TMEM39A: variants seen among roughly 807,000 people sequenced by gnomAD.
TMEM39A encodes suppressor of SQST-1 aggregates in rpl-43 mutants.
Under a neutral mutation model 51.9 loss-of-function variants are expected in TMEM39A, and 19 were observed. The observed-to-expected ratio is 0.37, with a 90% CI of 0.26 to 0.54. The LOEUF is 0.54. TMEM39A is among the 20% of genes least tolerant of loss of function. TMEM39A has a pLI of 0.88. For missense variants in TMEM39A, 433 were observed against 590.5 expected (o/e 0.73, Z 2.76); for synonymous variants, 197 against 220.2 (o/e 0.89, Z 0.93).
intron 5 of TMEM39A, among the ~76,000 whole-genome samples, chr3:119,445,844 G>A (rs1030800863): frequency 6.6e-6 from 1 of 152,160 alleles, no homozygotes; most frequent in Non-Finnish European, 1.5e-5. Context: ...CAACCTTGTT[G>A]AATGTTTAAA....
chr3:119,445,136 G>A (rs1287700653), intron 5 of TMEM39A, among the ~76,000 whole-genome samples: 1 of 152,044 alleles, frequency 6.6e-6, no homozygotes, highest in Non-Finnish European at 1.5e-5. Flanking sequence ...AAAGTGGCAT[G>A]ACAGAATCTT....
At chr3:119,451,224 A>G in intron 4 of TMEM39A, 1 of 1,274,022 alleles carries the variant, frequency 7.8e-7, no homozygotes, top group Non-Finnish European at 1.0e-6. Context: ...CTTTTTGGTT[A>G]ACTTCAAATG....
intron 5 of TMEM39A, among the ~76,000 whole-genome samples, chr3:119,442,158 T>C (rs566598927): frequency 6.6e-6 from 1 of 152,084 alleles, no homozygotes; most frequent in East Asian, 1.9e-4. Context: ...ATGGCCAACA[T>C]AGCGAAACCC....
Position 119,463,333 on chromosome 3 carries a change from C to T in TMEM39A, c.-75+3G>A, listed in dbSNP as rs2081364639. 2 of 362,180 alleles carry T rather than the reference C, an allele frequency of 5.5e-6. No homozygotes were observed. The highest frequency in any genetic ancestry group is 9.8e-6 in the Non-Finnish European group (2 of 204,014). The allele number at this position is 362,180 out of a possible 1,614,324, so 22.4% of individuals were successfully genotyped here. On this transcript the variant is annotated splice_donor_region_variant and intron_variant, in intron 1 of 8. Transcript: ENST00000319172. ...GACCTTGGGGCAGCTCAGTAATACT[C>T]ACGCATGGAAGAGTCCCAGCCGGTG...
At chr3:119,452,365 G>A in intron 4 of TMEM39A, 82 bp downstream of exon 4, 1 of 948,194 alleles carries the variant, frequency 1.1e-6, no homozygotes, top group Non-Finnish European at 1.6e-6. Flanking sequence ...ATTAAATGGG[G>A]ACACGTCACG....
intron 1 of TMEM39A, among the ~76,000 whole-genome samples, chr3:119,462,829 A>C (rs2081357502): frequency 6.6e-6 from 1 of 152,048 alleles, no homozygotes; most frequent in African/African-American, 2.4e-5. Flanking sequence ...GCTGGTGTAA[A>C]ATCATACAGA....
chr3:119,451,768 T>G (rs772719896), intron 4 of TMEM39A, among the ~76,000 whole-genome samples: 1 of 131,948 alleles, frequency 7.6e-6, no homozygotes, highest in East Asian at 2.3e-4. Flanking sequence ...AGACAGAGGT[T>G]GTGGCGAGCC....
intron 4 of TMEM39A, among the ~76,000 whole-genome samples, chr3:119,452,045 A>G (rs1156716630): frequency 6.6e-6 from 1 of 152,138 alleles, no homozygotes. Context: ...TCTTGCTAAC[A>G]ATCTTCTCAA....
At position 119,438,056 on chromosome 3, in the gene TMEM39A, G is replaced by A. The variant is rs2080998512; in HGVS notation, c.623C>T (p.Ala208Val). 6.2e-7 allele frequency: 1 copy of A among 1,606,082 alleles called. No homozygotes were observed. The highest frequency in any genetic ancestry group is 8.5e-7 in the Non-Finnish European group (1 of 1,173,216). Reference sequence around the variant, plus strand: ...GTTGTAGTCTGTGAGAAGAAGATGTGCTCTACTATCTTGATGAAAACAGCA... The same window carrying A: ...GTTGTAGTCTGTGAGAAGAAGATGTACTCTACTATCTTGATGAAAACAGCA... ...PLCCFHQDSR[A>V]HLLLTDYNYV... Residue 208 changes from alanine to valine, a missense_variant, in exon 6 of 9, where the codon GCA (alanine) becomes GTA (valine). Ala to Val is a moderately conservative substitution (Grantham distance 64). Transcript: ENST00000319172.
intron 2 of TMEM39A, among the ~76,000 whole-genome samples, chr3:119,461,014 A>C (rs2081329148): frequency 6.6e-6 from 1 of 152,208 alleles, no homozygotes; most frequent in Admixed American, 6.5e-5. Flanking sequence ...TTTTAAAGTT[A>C]CTGCAATTTA....
chr3:119,429,866 A>C lies in TMEM39A; in HGVS notation c.*2115T>G, dbSNP rs929511870. The C allele has an allele frequency of 3.3e-5, 5 of 152,158 alleles. No individual in the cohort carries two copies. The highest frequency in any genetic ancestry group is 9.7e-5 in the African/African-American group (4 of 41,448). The allele number at this position is 152,158 out of a possible 1,614,324, so 9.4% of individuals were successfully genotyped here. ...GCTATTCCCTTAGGATAGGACCAAG[A>C]CAGATCAAGCCAGAAGGGGCATCAT... On this transcript the variant is annotated 3_prime_UTR_variant, in exon 9 of 9. Transcript: ENST00000319172.
At chr3:119,461,682 C>T (rs773604897) in intron 2 of TMEM39A, among the ~76,000 whole-genome samples, 14 of 152,286 alleles carry the variant, frequency 9.2e-5, no homozygotes, top group Non-Finnish European at 1.6e-4. Context: ...TATTTTCATT[C>T]ACTTCTCCCT....
At chr3:119,458,900 A>G (rs2081301027) in intron 2 of TMEM39A, among the ~76,000 whole-genome samples, 1 of 152,158 alleles carries the variant, frequency 6.6e-6, no homozygotes, top group African/African-American at 2.4e-5. Flanking sequence ...CATCTCAAAA[A>G]CAAAACCAAA....
chr3:119,443,396 C>A (rs1312148972), intron 5 of TMEM39A, among the ~76,000 whole-genome samples: 4 of 152,146 alleles, frequency 2.6e-5, no homozygotes, highest in African/African-American at 9.7e-5. Flanking sequence ...ATGTGGCCAA[C>A]TTCACTGTTG....
chr3:119,462,655 A>T (rs957727577), intron 1 of TMEM39A, among the ~76,000 whole-genome samples: 1 of 13,622 alleles, frequency 7.3e-5, no homozygotes. Flanking sequence ...GGGGGGGGGG[A>T]GTGTCCCCTG....
At chr3:119,445,034 C>T (rs544882531) in intron 5 of TMEM39A, among the ~76,000 whole-genome samples, 8 of 151,720 alleles carry the variant, frequency 5.3e-5, no homozygotes, top group African/African-American at 9.7e-5. Context: ...GAGCTGAGAT[C>T]GCTCTACTGC....
intron 1 of TMEM39A, among the ~76,000 whole-genome samples, chr3:119,462,820 C>G (rs2081357473): frequency 6.6e-6 from 1 of 150,430 alleles, no homozygotes. Context: ...TCCAGAAAAG[C>G]TGGTGTAAAA....
chr3:119,455,520 G>A (rs1178601229), intron 3 of TMEM39A, among the ~76,000 whole-genome samples: 1 of 152,164 alleles, frequency 6.6e-6, no homozygotes, highest in Non-Finnish European at 1.5e-5. Flanking sequence ...CTCTAGATAC[G>A]ATTTAGGTTC....
rs76843610 is a variant in TMEM39A at position 119,449,924 on chromosome 3, C to T, written c.420+2523G>A. On this transcript the variant is annotated intron_variant, in intron 4 of 8. Transcript: ENST00000319172. ...GGTAGTCCTCTCTGAATAGCATTTC[C>T]GTTTATGAATTAATTACCAGCAGCC... is the stretch of plus-strand genomic sequence containing the variant. Among the ~76,000 whole-genome samples, 433 of 152,152 alleles carry T rather than the reference C, an allele frequency of 2.8e-3. 2 individuals carry two copies. Among genetic ancestry groups the T allele is most frequent in the African/African-American group, 9.9e-3 (410 of 41,498 alleles).
Sources: allele counts gnomAD v4.1 joint callset (sites outside exome capture counted in the v4.1 genomes callset), GRCh38; gene constraint gnomAD v4.1.1; transcripts MANE v1.5; gene names NCBI Gene and HGNC (gene_info 2026-07-23, HGNC 2026-07-21).